ULK4: variants seen among roughly 807,000 people sequenced by gnomAD.
The protein encoded by ULK4 is inactive serine/threonine-protein kinase ULK4.
A neutral mutation model predicts 160.6 loss-of-function variants in ULK4; 133 were observed. The ratio of observed to expected loss-of-function variants is 0.83; its 90% CI spans 0.72 to 0.96. The LOEUF (loss-of-function observed/expected upper bound fraction) is 0.96. Among genes scored for constraint, ULK4 ranks in the 40% least tolerant of loss-of-function variants. ULK4 has a pLI of 0.00. For synonymous variants in ULK4, 534 were observed against 539.8 expected (o/e 0.99, Z 0.15); for missense variants, 1,580 against 1,499.5 (o/e 1.05, Z -0.89).
chr3:41,548,072 G>C (rs564815864), intron 32 of ULK4, among the ~76,000 whole-genome samples: 1 of 152,232 alleles, frequency 6.6e-6, no homozygotes, highest in Admixed American at 6.5e-5. Flanking sequence ...TACCAACCCA[G>C]GACTTGAGGA....
At chr3:41,841,914 T>A (rs2041937936) in intron 17 of ULK4, among the ~76,000 whole-genome samples, 4 of 152,034 alleles carry the variant, frequency 2.6e-5, no homozygotes, top group Admixed American at 6.5e-5. Flanking sequence ...CAAGATATGC[T>A]TTGTTAAACA....
At chr3:41,414,637 CTCG>C (rs1298782962) in intron 34 of ULK4, among the ~76,000 whole-genome samples, 1 of 152,150 alleles carries the variant, frequency 6.6e-6, no homozygotes, top group Non-Finnish European at 1.5e-5. Flanking sequence ...GAAGAATAGA[CTCG>C]TCTATTTTGT....
At position 41,388,311 on chromosome 3, in the gene ULK4, C is replaced by T. The variant is rs1223914591; in HGVS notation, c.3678+9768G>A. 9.9e-5 allele frequency among the ~76,000 whole-genome samples: 15 copies of T among 151,846 alleles called. No homozygotes were observed. The South Asian group carries it at 2.1e-3, about 21-fold the overall frequency. Reference sequence around the variant, plus strand: ...ATGAGTAGGTTGCGAAAATTTTCTCCCATTTTGTAGGTTGCCTGTTCACTC... The same window carrying T: ...ATGAGTAGGTTGCGAAAATTTTCTCTCATTTTGTAGGTTGCCTGTTCACTC... On this transcript the variant is annotated intron_variant, in intron 35 of 36. Transcript: ENST00000301831.
intron 33 of ULK4, 103 bp from the exon 34 acceptor site, chr3:41,455,698 G>C: frequency 1.1e-6 from 1 of 935,308 alleles, no homozygotes; most frequent in East Asian, 2.5e-5. Flanking sequence ...GGCTGAGGAA[G>C]CATTCTACCT....
chr3:41,639,484 T>C (rs920449645), intron 30 of ULK4, among the ~76,000 whole-genome samples: 3 of 152,108 alleles, frequency 2.0e-5, no homozygotes, highest in Non-Finnish European at 4.4e-5. Context: ...TCCCAGCACT[T>C]TGGGAGGCCG....
chr3:41,563,940 G>A (rs1209478793), intron 32 of ULK4, among the ~76,000 whole-genome samples: 1 of 152,188 alleles, frequency 6.6e-6, no homozygotes, highest in Non-Finnish European at 1.5e-5. Context: ...GAGAAAAGGT[G>A]CTATGGTTTT....
At chr3:41,547,704 T>G (rs1383961377) in intron 32 of ULK4, among the ~76,000 whole-genome samples, 1 of 152,204 alleles carries the variant, frequency 6.6e-6, no homozygotes, top group Non-Finnish European at 1.5e-5. Context: ...CATTCTGCCC[T>G]GAGGCCCAAT....
At chr3:41,314,735 G>T (rs1281323435) in intron 35 of ULK4, among the ~76,000 whole-genome samples, 2 of 152,022 alleles carry the variant, frequency 1.3e-5, no homozygotes, top group Non-Finnish European at 2.9e-5. Flanking sequence ...GAAATTTGTT[G>T]AAAAATTTGG....
chr3:41,574,832 C>T (rs1293799117), intron 31 of ULK4, among the ~76,000 whole-genome samples: 1 of 152,154 alleles, frequency 6.6e-6, no homozygotes, highest in Non-Finnish European at 1.5e-5. Context: ...AGGCGTGAGC[C>T]ACTGCGCCAG....
At chr3:41,374,781 G>A (rs1393640836) in intron 35 of ULK4, among the ~76,000 whole-genome samples, 9 of 152,116 alleles carry the variant, frequency 5.9e-5, no homozygotes, top group Admixed American at 1.3e-4. Flanking sequence ...TGGAAGTTCT[G>A]GCCAGGGCAA....
chr3:41,591,851 T>C (rs2125646563), intron 31 of ULK4, among the ~76,000 whole-genome samples: 2 of 152,314 alleles, frequency 1.3e-5, no homozygotes, highest in African/African-American at 4.8e-5. Context: ...CCAGCTGAAC[T>C]GTACAAAGCC....
intron 32 of ULK4, among the ~76,000 whole-genome samples, chr3:41,493,193 G>C (rs1659214024): frequency 7.1e-6 from 1 of 140,292 alleles, no homozygotes; most frequent in Non-Finnish European, 1.6e-5. Context: ...GCTCTCCTCA[G>C]CAAATGTAAA....
chr3:41,637,291 G>GT (rs1233627072), intron 30 of ULK4, among the ~76,000 whole-genome samples: 1 of 152,112 alleles, frequency 6.6e-6, no homozygotes. Flanking sequence ...AGATGATGCA[G>GT]TATTTGTCTT....
chr3:41,572,566 C>G (rs542524653), intron 31 of ULK4, among the ~76,000 whole-genome samples: 43 of 151,082 alleles, frequency 2.8e-4, no homozygotes, highest in Admixed American at 7.3e-4. Context: ...TGAGACCATC[C>G]TGGCTAACAT....
intron 35 of ULK4, among the ~76,000 whole-genome samples, chr3:41,249,926 G>C (rs896711340): frequency 3.9e-5 from 6 of 152,200 alleles, no homozygotes; most frequent in Non-Finnish European, 8.8e-5. Flanking sequence ...TCTGTGCTGG[G>C]ACTCAAGAGG....
chr3:41,251,101 A>G (rs560086932), intron 35 of ULK4: 1 of 152,374 alleles, frequency 6.6e-6, no homozygotes, highest in East Asian at 1.9e-4. Flanking sequence ...CAAATAAATC[A>G]GAAGATGACT....
At chr3:41,502,638 T>G (rs530889413) in intron 32 of ULK4, among the ~76,000 whole-genome samples, 12 of 152,332 alleles carry the variant, frequency 7.9e-5, no homozygotes, top group Admixed American at 1.3e-4. Flanking sequence ...TTGATACATG[T>G]GACAACATGA....
chr3:41,440,986 T>C (rs73828033), intron 34 of ULK4, among the ~76,000 whole-genome samples: 1,595 of 152,192 alleles, frequency 0.01, 20 homozygotes, highest in African/African-American at 0.037. Flanking sequence ...TAGAGATGTC[T>C]CTCCATATTC....
chr3:41,450,959 T>TA (rs1215711869), intron 34 of ULK4, among the ~76,000 whole-genome samples: 12 of 152,254 alleles, frequency 7.9e-5, no homozygotes, highest in Non-Finnish European at 1.6e-4. Flanking sequence ...GTGATCAAGT[T>TA]ACAAGTAACT....
Sources: allele counts gnomAD v4.1 joint callset (sites outside exome capture counted in the v4.1 genomes callset), GRCh38; gene constraint gnomAD v4.1.1; transcripts MANE v1.5; gene names NCBI Gene and HGNC (gene_info 2026-07-23, HGNC 2026-07-21).